The following PCDH15 variants were observed in gnomAD, a reference collection of about 807,000 sequenced individuals.
PCDH15 encodes protocadherin-15.
In PCDH15, 129 loss-of-function variants were observed where a neutral mutation model predicts 178.5. That is an observed-to-expected ratio of 0.72 (90% CI 0.63 to 0.84). The LOEUF is 0.84. Among genes scored for constraint, PCDH15 ranks in the 40% least tolerant of loss-of-function variants. The probability of loss-of-function intolerance (pLI) is 0.00; values close to 1 mark genes in which losing one functional copy is unlikely to be tolerated. For synonymous variants in PCDH15, 800 were observed against 732.0 expected, an observed-to-expected ratio of 1.09 and a Z score of -1.50; for missense variants, 2,230 against 2,099.9, an observed-to-expected ratio of 1.06 and a Z score of -1.21.
chr10:54,864,697 G>GA (rs1421630153), intron 3 of PCDH15: 2 of 152,132 alleles, frequency 1.3e-5, no homozygotes, highest in Non-Finnish European at 2.9e-5. Context: ...TGGTGGGTAG[G>GA]ATGCTTCCAA....
chr10:55,358,558 G>A (rs1845136132), intron 2 of PCDH15, among the ~76,000 whole-genome samples: 1 of 152,064 alleles, frequency 6.6e-6, no homozygotes, highest in African/African-American at 2.4e-5. Context: ...ACAGAGTGTA[G>A]TTGTTGTAAT....
chr10:55,311,332 A>G (rs1478838269), intron 1 of PCDH15, among the ~76,000 whole-genome samples: 1 of 152,180 alleles, frequency 6.6e-6, no homozygotes, highest in Non-Finnish European at 1.5e-5. Flanking sequence ...TCAGCTTGTT[A>G]ATATGAGATT....
rs147607474 is a variant in PCDH15 at position 54,397,349 on chromosome 10, C to A, written c.158-18407G>T. Among the ~76,000 whole-genome samples, 742 of 152,168 alleles carry A rather than the reference C, an allele frequency of 4.9e-3. 8 individuals are homozygous for A. Among genetic ancestry groups the A allele is most frequent in the African/African-American group, 0.017 (689 of 41,536 alleles). ...ATAGGAGCCTAAATTCCATAAGCAA[C>A]AATTAAACAATTAAATGTGGTCCAA... is the stretch of plus-strand genomic sequence containing the variant. On this transcript the variant is annotated intron_variant, in intron 3 of 37. Transcript: ENST00000644397.
intron 2 of PCDH15, among the ~76,000 whole-genome samples, chr10:54,617,067 TA>T (rs1428413392): frequency 1.8e-5 from 2 of 110,950 alleles, no homozygotes; most frequent in African/African-American, 5.5e-5. Context: ...TTTATTTATT[TA>T]TTTTTTTAAG....
intron 1 of PCDH15, among the ~76,000 whole-genome samples, chr10:55,281,142 A>T (rs1842723529): frequency 6.6e-6 from 1 of 152,214 alleles, no homozygotes. Context: ...CTGTAGCATC[A>T]CAAATGTAGT....
chr10:54,163,406 G>GA (rs2045905126), intron 13 of PCDH15, among the ~76,000 whole-genome samples: 1 of 150,918 alleles, frequency 6.6e-6, no homozygotes, highest in Non-Finnish European at 1.5e-5. Flanking sequence ...CATGGCAGCA[G>GA]GAGAGAGAGA....
chr10:54,122,904 A>C (rs2041674947), intron 15 of PCDH15, among the ~76,000 whole-genome samples: 2 of 152,050 alleles, frequency 1.3e-5, no homozygotes, highest in African/African-American at 2.4e-5. Flanking sequence ...CCCTTGACAA[A>C]AATAAGCACT....
At chr10:54,926,036 G>A (rs1434513748) in intron 2 of PCDH15, among the ~76,000 whole-genome samples, 3 of 152,242 alleles carry the variant, frequency 2.0e-5, no homozygotes, top group East Asian at 1.9e-4. Flanking sequence ...AGTTTTCAAA[G>A]AGAATGCTTT....
intron 37 of PCDH15, chr10:53,809,485 T>A (rs1588876130): frequency 2.5e-6 from 4 of 1,613,748 alleles, no homozygotes; most frequent in East Asian, 2.2e-5. Flanking sequence ...TACAACTACT[T>A]CTTCCTCCTC....
chr10:54,318,430 C>T (rs1229260841), intron 7 of PCDH15, among the ~76,000 whole-genome samples: 2 of 152,164 alleles, frequency 1.3e-5, no homozygotes, highest in African/African-American at 4.8e-5. Flanking sequence ...TCTCTCTTCT[C>T]TATTGCAATA....
intron 3 of PCDH15, among the ~76,000 whole-genome samples, chr10:54,426,830 T>C (rs1956322281): frequency 6.6e-6 from 1 of 152,122 alleles, no homozygotes. Flanking sequence ...TCAAAATCTA[T>C]CTACTTTTAA....
upstream of PCDH15, among the ~76,000 whole-genome samples, chr10:55,320,839 C>T (rs1843878326): frequency 6.6e-6 from 1 of 152,160 alleles, no homozygotes; most frequent in Admixed American, 6.6e-5. Context: ...AAGAAAGAAC[C>T]AGTGTTATAA....
chr10:54,833,823 C>T (rs111362076), intron 3 of PCDH15, among the ~76,000 whole-genome samples: 8,042 of 152,210 alleles, frequency 0.053, 313 homozygotes, highest in Non-Finnish European at 0.077. Flanking sequence ...AGTCTTAGTT[C>T]GTGGGAGCCT....
At chr10:55,358,386 G>A (rs1845130930) in intron 2 of PCDH15, among the ~76,000 whole-genome samples, 2 of 152,018 alleles carry the variant, frequency 1.3e-5, no homozygotes, top group Non-Finnish European at 1.5e-5. Flanking sequence ...CCTTCAGATA[G>A]TCTTATTTCA....
At chr10:54,035,870 A>C (rs1658532734) in intron 18 of PCDH15, among the ~76,000 whole-genome samples, 1 of 152,002 alleles carries the variant, frequency 6.6e-6, no homozygotes, top group East Asian at 1.9e-4. Context: ...CATAAATTAA[A>C]AGTTCTACTC....
At chr10:54,758,583 G>A (rs1464745637) in intron 1 of PCDH15, among the ~76,000 whole-genome samples, 1 of 152,096 alleles carries the variant, frequency 6.6e-6, no homozygotes, top group Non-Finnish European at 1.5e-5. Flanking sequence ...TCATATTAAT[G>A]TAAAGTTTTA....
intron 2 of PCDH15, among the ~76,000 whole-genome samples, chr10:55,479,007 A>G (rs1035046173): frequency 2.6e-5 from 4 of 151,068 alleles, no homozygotes; most frequent in East Asian, 1.9e-4. Flanking sequence ...AGAGTCTCCC[A>G]TAAGAGAAAA....
chr10:55,195,212 C>T (rs1203514342), intron 1 of PCDH15, among the ~76,000 whole-genome samples: 1 of 151,632 alleles, frequency 6.6e-6, no homozygotes, highest in Non-Finnish European at 1.5e-5. Flanking sequence ...TTAGTAGAGA[C>T]GGGATTTCAC....
intron 3 of PCDH15, among the ~76,000 whole-genome samples, chr10:54,865,675 A>G (rs531381690): frequency 3.9e-5 from 6 of 152,208 alleles, no homozygotes; most frequent in Non-Finnish European, 8.8e-5. Flanking sequence ...ACCATATCAC[A>G]ATGTGATCAT....
Sources: allele counts gnomAD v4.1 joint callset (sites outside exome capture counted in the v4.1 genomes callset), GRCh38; gene constraint gnomAD v4.1.1; transcripts MANE v1.5; gene names NCBI Gene and HGNC (gene_info 2026-07-23, HGNC 2026-07-21).